Variants in NRXN3 observed in about 807,000 individuals in gnomAD.
NRXN3 encodes the protein neurexin III.
NRXN3 carries 32 observed loss-of-function variants against 137.6 expected under a neutral mutation model. That is an observed-to-expected ratio of 0.23 (90% CI 0.18 to 0.31). NRXN3 has a LOEUF of 0.31. NRXN3 is among the 10% of genes least tolerant of loss of function. NRXN3 has a pLI of 1.00. For missense variants in NRXN3, 1,574 were observed against 2,062.5 expected, an observed-to-expected ratio of 0.76 and a Z score of 4.59; for synonymous variants, 798 against 784.5, an observed-to-expected ratio of 1.02 and a Z score of -0.29.
intron 14 of NRXN3, among the ~76,000 whole-genome samples, chr14:78,972,631 G>A (rs1257630857): frequency 6.6e-6 from 1 of 152,088 alleles, no homozygotes; most frequent in East Asian, 1.9e-4. Flanking sequence ...CAAGTCTGAT[G>A]CGCCCCTGCC....
intron 15 of NRXN3, among the ~76,000 whole-genome samples, chr14:79,093,757 T>G (rs1275487546): frequency 6.6e-6 from 1 of 152,106 alleles, no homozygotes. Flanking sequence ...CATTCATTGT[T>G]TTGTTTTCAA....
chr14:79,743,912 C>A (rs2098970926), intron 19 of NRXN3, among the ~76,000 whole-genome samples: 1 of 152,196 alleles, frequency 6.6e-6, no homozygotes, highest in Non-Finnish European at 1.5e-5. Context: ...ATGTATAATA[C>A]ACATATCTCA....
rs202172159 is a variant in NRXN3, at chr14:78,709,272, C to T, written c.1277C>T (p.Ala426Val). ...GAGCTGTCTCGCCTGGCCCGGATTG[C>T]GGACACCAAGATGAAAATCTATGGC... is the stretch of plus-strand genomic sequence containing the variant. ...RLELSRLARI[A>V]DTKMKIYGEV... Residue 426 changes from alanine (A) to valine (V), a missense_variant, in exon 7 of 21, where the codon GCG becomes GTG. Physicochemically the swap from Ala to Val is moderately conservative, Grantham distance 64. This residue lies in a region of NRXN3 where 718 missense variants were observed against 887.6 expected (regional missense o/e 0.81). Transcript: ENST00000335750. The T allele has an allele frequency of 9.7e-5, 157 of 1,614,070 alleles. 1 individual carries two copies. In the South Asian group the frequency reaches 1.0e-3, roughly 10 times the overall value.
chr14:78,764,007 T>C (rs2098700899), intron 8 of NRXN3, among the ~76,000 whole-genome samples: 2 of 152,214 alleles, frequency 1.3e-5, no homozygotes, highest in Admixed American at 1.3e-4. Flanking sequence ...TTCCTCAGGA[T>C]CATTCCTTGG....
chr14:79,065,267 A>T (rs1429115901), intron 15 of NRXN3, among the ~76,000 whole-genome samples: 1 of 152,058 alleles, frequency 6.6e-6, no homozygotes, highest in African/African-American at 2.4e-5. Context: ...TTTGATTTAG[A>T]TTCTGAAAGA....
At chr14:78,677,282 A>C (rs1382211376) in intron 6 of NRXN3, among the ~76,000 whole-genome samples, 1 of 152,178 alleles carries the variant, frequency 6.6e-6, no homozygotes, top group Non-Finnish European at 1.5e-5. Context: ...CAAAATATCA[A>C]CATTAACAGG....
chr14:78,544,472 A>G (rs2096620217), intron 4 of NRXN3, among the ~76,000 whole-genome samples: 1 of 152,198 alleles, frequency 6.6e-6, no homozygotes, highest in Non-Finnish European at 1.5e-5. Context: ...AAGGATGGGG[A>G]AATGCTGATG....
chr14:78,347,854 C>T (rs1386962679), intron 4 of NRXN3, among the ~76,000 whole-genome samples: 1 of 152,044 alleles, frequency 6.6e-6, no homozygotes, highest in Non-Finnish European at 1.5e-5. Context: ...GCCCAACCTC[C>T]CTGGCTCAAA....
intron 16 of NRXN3, among the ~76,000 whole-genome samples, chr14:79,571,645 G>A (rs1370855128): frequency 2.0e-5 from 3 of 152,172 alleles, no homozygotes; most frequent in Non-Finnish European, 4.4e-5. Flanking sequence ...CTCTGGAGAA[G>A]CAATTGGCAT....
intron 4 of NRXN3, among the ~76,000 whole-genome samples, chr14:78,620,225 G>A (rs1191171417): frequency 3.9e-5 from 6 of 152,180 alleles, no homozygotes; most frequent in Admixed American, 2.6e-4. Context: ...CATTTGAAGC[G>A]ATTCCAACTT....
chr14:79,384,257 G>T (rs556305770), intron 15 of NRXN3, among the ~76,000 whole-genome samples: 2 of 152,244 alleles, frequency 1.3e-5, no homozygotes, highest in African/African-American at 2.4e-5. Flanking sequence ...AGAGGGAGGT[G>T]GGGGAAGAGA....
At chr14:79,780,864 C>T (rs1041164181) in intron 19 of NRXN3, among the ~76,000 whole-genome samples, 1 of 152,048 alleles carries the variant, frequency 6.6e-6, no homozygotes, top group African/African-American at 2.4e-5. Context: ...AGAGTCATTT[C>T]ACTGCCAAAA....
intron 19 of NRXN3, among the ~76,000 whole-genome samples, chr14:79,701,689 A>G (rs2098755264): frequency 6.6e-6 from 1 of 152,032 alleles, no homozygotes; most frequent in Non-Finnish European, 1.5e-5. Flanking sequence ...CTATTAGTCT[A>G]AACAGTCACA....
chr14:78,523,643 C>CAAAAAAAAAA (rs3036598), intron 4 of NRXN3, among the ~76,000 whole-genome samples: 22 of 77,696 alleles, frequency 2.8e-4, no homozygotes, highest in Non-Finnish European at 2.9e-4. Flanking sequence ...ACTACAAATA[C>CAAAAAAAAAA]AAAAAAAAAA....
At chr14:78,620,886 A>G (rs2097397194) in intron 4 of NRXN3, among the ~76,000 whole-genome samples, 1 of 152,204 alleles carries the variant, frequency 6.6e-6, no homozygotes, top group Admixed American at 6.5e-5. Context: ...CAGGATCAAG[A>G]TAAGAGCTTT....
At chr14:79,767,059 A>G (rs1284566096) in intron 19 of NRXN3, among the ~76,000 whole-genome samples, 1 of 152,214 alleles carries the variant, frequency 6.6e-6, no homozygotes, top group Admixed American at 6.5e-5. Context: ...GAGCCAGAAC[A>G]TTAATGCAAA....
chr14:78,718,068 C>G (rs1191555850), intron 8 of NRXN3, among the ~76,000 whole-genome samples: 1 of 152,138 alleles, frequency 6.6e-6, no homozygotes, highest in Admixed American at 6.6e-5. Context: ...GAATGGAATA[C>G]TTTTCGGATT....
chr14:78,653,255 G>A (rs955343754), intron 6 of NRXN3, among the ~76,000 whole-genome samples: 1 of 152,044 alleles, frequency 6.6e-6, no homozygotes, highest in Admixed American at 6.6e-5. Context: ...TTCCTCACTG[G>A]GATTTACTCC....
In NRXN3 at chr14:79,360,310, G is replaced by C. The variant is rs185049532; in HGVS notation, c.3263-106911G>C. ...GAGGATAAGGCAGAGGGTCAGGAGAGTTAGTAGTGGTCTTGAACTCCTGAC... is the reference window on the plus strand; with the variant it reads ...GAGGATAAGGCAGAGGGTCAGGAGACTTAGTAGTGGTCTTGAACTCCTGAC... On this transcript the variant is annotated intron_variant, in intron 15 of 20. Coordinates refer to ENST00000335750, the MANE Select transcript of NRXN3 (RefSeq NM_001330195.2). Among the ~76,000 whole-genome samples, 244 of 152,294 alleles carry C rather than the reference G, an allele frequency of 1.6e-3. 1 individual carries two copies. The highest frequency in any genetic ancestry group is 1.1e-3 in the Non-Finnish European group (77 of 68,012).
Sources: allele counts gnomAD v4.1 joint callset (sites outside exome capture counted in the v4.1 genomes callset), GRCh38; gene constraint gnomAD v4.1.1; regional missense constraint gnomAD v4.1.1; transcripts MANE v1.5; gene names NCBI Gene and HGNC (gene_info 2026-07-23, HGNC 2026-07-21).